The following NCOR2 variants were observed in gnomAD, a reference collection of about 807,000 sequenced individuals.
The protein encoded by NCOR2 is nuclear receptor corepressor 2.
NCOR2 carries 81 observed loss-of-function variants against 262.9 expected under a neutral mutation model. That is an observed-to-expected ratio of 0.31 (90% confidence interval 0.26 to 0.37). The LOEUF (loss-of-function observed/expected upper bound fraction) is 0.37, where lower values mean the gene tolerates loss of function less well. Ranked by LOEUF, NCOR2 falls within the 10% of genes least tolerant of loss-of-function variation. The pLI is 1.00. For missense variants in NCOR2, 3,385 were observed against 3,621.4 expected (o/e 0.93, Z 1.68); for synonymous variants, 1,659 against 1,559.3 (o/e 1.06, Z -1.51).
At chr12:124,494,670 C>T (rs1035749053) in intron 1 of NCOR2, among the ~76,000 whole-genome samples, 3 of 152,180 alleles carry the variant, frequency 2.0e-5, no homozygotes, top group African/African-American at 7.2e-5. Flanking sequence ...CTGTGTGGGG[C>T]CTCCTCACCT....
chr12:124,407,976 C>T (rs931584126), intron 13 of NCOR2, among the ~76,000 whole-genome samples: 2 of 152,222 alleles, frequency 1.3e-5, no homozygotes, highest in African/African-American at 4.8e-5. Flanking sequence ...CTCTGTCCCT[C>T]GGATTCAGTC....
intron 27 of NCOR2, among the ~76,000 whole-genome samples, chr12:124,351,384 TG>T (rs78881678): frequency 0.32 from 48,616 of 151,838 alleles, 8,098 homozygotes; most frequent in East Asian, 0.46. Context: ...TTCTTTGCTG[TG>T]GGGCTGTCCT....
upstream of NCOR2, among the ~76,000 whole-genome samples, chr12:124,498,518 G>A (rs1048978609): frequency 2.0e-5 from 3 of 152,076 alleles, no homozygotes; most frequent in African/African-American, 7.2e-5. Flanking sequence ...CACTCACCAC[G>A]AGCTTAGGAA....
In NCOR2 at chr12:124,466,143, G is replaced by C. The variant is rs972302423; in HGVS notation, c.705+30C>G. On this transcript the variant is annotated intron_variant, in intron 5 of 46. Transcript: ENST00000405201. ...TGAAGCGCCTCATGGCCAGCACCGG[G>C]GGGCAGCAGGCCAGGGCGGGGACAC... is the stretch of plus-strand genomic sequence containing the variant. 8.2e-6 allele frequency: 13 copies of C among 1,577,984 alleles called. No homozygotes were observed. In the African/African-American group the frequency reaches 1.5e-4, roughly 18 times the overall value.
At chr12:124,427,587 A>G (rs2043626382) in intron 10 of NCOR2, among the ~76,000 whole-genome samples, 1 of 152,218 alleles carries the variant, frequency 6.6e-6, no homozygotes. Flanking sequence ...CTCAATGTGC[A>G]GGACTCCCAG....
chr12:124,455,134 A>C (rs1056305792), intron 6 of NCOR2, among the ~76,000 whole-genome samples: 3 of 152,238 alleles, frequency 2.0e-5, no homozygotes, highest in African/African-American at 7.2e-5. Flanking sequence ...TCTTTTTGAG[A>C]TGATGGAATG....
chr12:124,385,977 G>A (rs2040773219), intron 16 of NCOR2, 90 bp from the exon 19 acceptor site: 5 of 1,489,914 alleles, frequency 3.4e-6, no homozygotes, highest in Admixed American at 2.2e-5. Flanking sequence ...AACGGGCCTG[G>A]AGCAGAAACC....
At chr12:124,542,287 G>C (rs1314969867) in intron 1 of NCOR2, among the ~76,000 whole-genome samples, 1 of 151,948 alleles carries the variant, frequency 6.6e-6, no homozygotes, top group Non-Finnish European at 1.5e-5. Context: ...CAAGCCCAGG[G>C]CTCAGTATAA....
At chr12:124,354,683 T>C in intron 25 of NCOR2, 101 bp from the exon 28 acceptor site, 1 of 1,323,634 alleles carries the variant, frequency 7.6e-7, no homozygotes, top group East Asian at 2.6e-5. Context: ...GCGCTGCCCC[T>C]CCCCACCATG....
chr12:124,557,682 C>T (rs539517198), intron 1 of NCOR2, among the ~76,000 whole-genome samples: 25 of 152,184 alleles, frequency 1.6e-4, no homozygotes, highest in African/African-American at 5.1e-4. Context: ...TAGTGGCAGA[C>T]GATGCGAAAA....
chr12:124,506,634 C>G (rs1165384230), intron 1 of NCOR2, among the ~76,000 whole-genome samples: 1 of 152,162 alleles, frequency 6.6e-6, no homozygotes, highest in East Asian at 1.9e-4. Context: ...ACAAACATTA[C>G]GCCTGGTTCT....
exon 33 of NCOR2, chr12:124,343,168 C>T: frequency 6.2e-7 from 1 of 1,610,508 alleles, no homozygotes. Context: ...ACTTGGCGAT[C>T]TCACGAGGCG....
chr12:124,531,554 G>T lies in NCOR2; in HGVS notation c.-118+4011C>A, dbSNP rs778324023. Among the ~76,000 whole-genome samples, 1 of 152,130 alleles carries T rather than the reference G, an allele frequency of 6.6e-6. No individual in the cohort carries two copies. Among genetic ancestry groups the T allele is most frequent in the Non-Finnish European group, 1.5e-5 (1 of 68,006 alleles). ...GGAGGGGAGGAAGGGATTGCAGGGAGCCCCCGCCCAGGGCTGAGCATCCAG... is the reference window on the plus strand; with the variant it reads ...GGAGGGGAGGAAGGGATTGCAGGGATCCCCCGCCCAGGGCTGAGCATCCAG... On this transcript the variant is annotated intron_variant, in intron 1 of 46. Coordinates refer to the NCOR2 transcript ENST00000404621. This position sits in a 1 kb window ranked among gnomAD's most constrained non-coding sequence, Gnocchi z 4.5.
exon 20 of NCOR2, chr12:124,372,507 G>A (rs373049958): frequency 3.8e-5 from 60 of 1,589,730 alleles, no homozygotes; most frequent in African/African-American, 3.4e-4. Context: ...GCCCGTCGGC[G>A]CCCAGGGTGG....
At chr12:124,492,959 G>T (rs753027135) in intron 1 of NCOR2, among the ~76,000 whole-genome samples, 4 of 152,124 alleles carry the variant, frequency 2.6e-5, no homozygotes, top group Non-Finnish European at 5.9e-5. Flanking sequence ...CCAGGGAGGA[G>T]CACACACAGG....
At chr12:124,484,190 G>T (rs756967472) in intron 2 of NCOR2, among the ~76,000 whole-genome samples, 1 of 152,184 alleles carries the variant, frequency 6.6e-6, no homozygotes, top group Non-Finnish European at 1.5e-5. Flanking sequence ...TCCGGGAAAC[G>T]CTGTGAGCCT....
chr12:124,390,845 G>A (rs577687928), intron 16 of NCOR2, among the ~76,000 whole-genome samples: 1 of 152,382 alleles, frequency 6.6e-6, no homozygotes, highest in East Asian at 1.9e-4. Flanking sequence ...GTTCTGAAGA[G>A]TCAGGAGGCA....
At chr12:124,376,412 G>C (rs528610102) in intron 18 of NCOR2, among the ~76,000 whole-genome samples, 1 of 152,362 alleles carries the variant, frequency 6.6e-6, no homozygotes, top group South Asian at 2.1e-4. Flanking sequence ...CGCCCATTCA[G>C]ACACTGGAGG....
At chr12:124,461,105 A>G (rs1485075874) in intron 5 of NCOR2, among the ~76,000 whole-genome samples, 2 of 152,248 alleles carry the variant, frequency 1.3e-5, no homozygotes, top group African/African-American at 4.8e-5. Flanking sequence ...GCTGGAATTC[A>G]GGGGACTCAG....
Sources: gnomAD v4.1 joint callset for allele counts (sites outside exome capture counted in the v4.1 genomes callset) on GRCh38, gnomAD v4.1.1 for gene constraint, Gnocchi (gnomAD v3.1) non-coding constraint, MANE v1.5 for transcripts, NCBI Gene and HGNC (gene_info 2026-07-23, HGNC 2026-07-21) for gene names.